DSCAML1: variants seen among roughly 807,000 people sequenced by gnomAD.
DSCAML1 encodes the protein DS cell adhesion molecule like 1.
In DSCAML1, 38 loss-of-function variants were observed where a neutral mutation model predicts 200.5. That is an observed-to-expected ratio of 0.19 (90% confidence interval 0.15 to 0.25). DSCAML1 has a LOEUF of 0.25. Ranked by LOEUF, DSCAML1 falls within the 10% of genes least tolerant of loss-of-function variation. The pLI is 1.00. For missense variants in DSCAML1, 2,223 were observed against 2,858.8 expected, an observed-to-expected ratio of 0.78 and a Z score of 5.07; for synonymous variants, 1,215 against 1,165.0, an observed-to-expected ratio of 1.04 and a Z score of -0.87.
intron 3 of DSCAML1, among the ~76,000 whole-genome samples, chr11:117,590,169 T>A (rs1028571856): frequency 5.3e-5 from 8 of 152,124 alleles, no homozygotes; most frequent in African/African-American, 1.4e-4. Flanking sequence ...TCACTTTTTT[T>A]AAAAATGAAG....
intron 20 of DSCAML1, among the ~76,000 whole-genome samples, chr11:117,447,172 C>T (rs1300221084): frequency 4.6e-5 from 7 of 152,294 alleles, no homozygotes; most frequent in African/African-American, 1.7e-4. Flanking sequence ...CCTGTAATCT[C>T]AGCTCCTTGG....
chr11:117,748,735 G>A (rs1204700150), intron 3 of DSCAML1, among the ~76,000 whole-genome samples: 1 of 152,236 alleles, frequency 6.6e-6, no homozygotes, highest in Non-Finnish European at 1.5e-5. Context: ...GGTACTGCAT[G>A]CCCTACTGAC....
At position 117,526,927 on chromosome 11, in the gene DSCAML1, C is replaced by T. The variant is rs551055968; in HGVS notation, c.659-1844G>A. On this transcript the variant is annotated intron_variant, in intron 4 of 32. Transcript: ENST00000651296. ...CTGAGGTGGGAAGATCACTTGAGCC[C>T]AGGAGTTGGAGACCAGCCCGGGCAA... Among the ~76,000 whole-genome samples, 4 of 152,080 alleles carry T rather than the reference C, an allele frequency of 2.6e-5. No individual in the cohort carries two copies. In the South Asian group the frequency reaches 6.2e-4, roughly 24 times the overall value.
chr11:117,722,173 G>C (rs1591440489), intron 3 of DSCAML1, among the ~76,000 whole-genome samples: 1 of 152,152 alleles, frequency 6.6e-6, no homozygotes, highest in South Asian at 2.1e-4. Context: ...CTCCTGGGAA[G>C]GATCATGGCT....
At position 117,503,781 on chromosome 11, in the gene DSCAML1, A is replaced by G. The variant is rs530438898; in HGVS notation, c.2359+64T>C. 4.4e-5 allele frequency: 67 copies of G among 1,517,194 alleles called. No individual in the cohort carries two copies. The highest frequency in any genetic ancestry group is 5.5e-5 in the Non-Finnish European group (61 of 1,116,022). 94.0% of individuals were successfully genotyped at this position (1,517,194 alleles called of 1,614,324 possible). A position where few individuals can be genotyped will look rare whatever the true frequency, so the allele number is the denominator to read the frequency against. ...GGAGACTAAGAGAGTAGGCAGGGAGAGTGCAGAGCCGGGGCTTGGCTGTGA... is the reference window on the plus strand; with the variant it reads ...GGAGACTAAGAGAGTAGGCAGGGAGGGTGCAGAGCCGGGGCTTGGCTGTGA... On this transcript the variant is annotated intron_variant, in intron 11 of 32. Coordinates refer to ENST00000651296, the MANE Select transcript of DSCAML1 (RefSeq NM_020693.4). The surrounding 1 kb of genome is among the most constrained non-coding windows in gnomAD (Gnocchi z 5.2).
intron 3 of DSCAML1, among the ~76,000 whole-genome samples, chr11:117,751,477 A>G (rs192899701): frequency 6.6e-6 from 1 of 151,582 alleles, no homozygotes; most frequent in Admixed American, 6.6e-5. Context: ...TATTTCAGAC[A>G]GTTTCTCACC....
At chr11:117,596,425 G>A (rs1174477331) in intron 3 of DSCAML1, among the ~76,000 whole-genome samples, 1 of 150,438 alleles carries the variant, frequency 6.6e-6, no homozygotes, top group African/African-American at 2.4e-5. Flanking sequence ...CATGCCAAAA[G>A]GGGTAGACAC....
chr11:117,682,062 C>G (rs767497565), intron 3 of DSCAML1, among the ~76,000 whole-genome samples: 3 of 152,144 alleles, frequency 2.0e-5, no homozygotes, highest in Non-Finnish European at 4.4e-5. Context: ...AAGACCCTAC[C>G]CCCTTTAGGA....
intron 17 of DSCAML1, 56 bp from the exon 18 acceptor site, chr11:117,461,652 G>A (rs1001170176): frequency 1.9e-6 from 3 of 1,552,016 alleles, no homozygotes; most frequent in East Asian, 2.2e-5. Context: ...GTGAGTGACA[G>A]TACAGCAATT....
chr11:117,481,479 C>A (rs905654366), intron 12 of DSCAML1, among the ~76,000 whole-genome samples: 3 of 148,122 alleles, frequency 2.0e-5, no homozygotes, highest in South Asian at 2.2e-4. Flanking sequence ...CTGGGGGACA[C>A]CAGAGGGAGA....
chr11:117,814,111 C>A (rs1167838142), intron 1 of DSCAML1, among the ~76,000 whole-genome samples: 1 of 151,804 alleles, frequency 6.6e-6, no homozygotes, highest in Non-Finnish European at 1.5e-5. Context: ...GAAGCTCCCC[C>A]ACTGAGCACC....
rs79404843 is a variant in DSCAML1, at chr11:117,752,194, G to A, written c.511+24597C>T. On this transcript the variant is annotated intron_variant, in intron 3 of 32. Transcript: ENST00000651296. ...ATTCCAGGAGGCCTCTTGCACGGAA[G>A]CCTCAGGGAACTGAACTCAATGCCT... 5.7e-3 allele frequency among the ~76,000 whole-genome samples: 873 copies of A among 152,340 alleles called. 11 individuals are homozygous for A. The highest frequency in any genetic ancestry group is 0.017 in the East Asian group (90 of 5,176).
At chr11:117,649,252 A>G (rs934469193) in intron 3 of DSCAML1, among the ~76,000 whole-genome samples, 12 of 151,886 alleles carry the variant, frequency 7.9e-5, no homozygotes, top group Admixed American at 3.3e-4. Flanking sequence ...TAATTTTTGT[A>G]TTTTTAGTAG....
Position 117,431,711 on chromosome 11 carries a change from T to C in DSCAML1, c.5197A>G (p.Asn1733Asp). The stretch of plus-strand genomic sequence containing the variant: ...CGGGTGCTGTGGGCTGACTTCACAT[T>C]CTTCCTGGACACTGGATCTGCACAG... Reference protein sequence around the residue: ...RPGTNPVSRKNVKSAHSTRNR... With the variant: ...RPGTNPVSRKDVKSAHSTRNR... Residue 1733 changes from asparagine (N) to aspartate (D), a missense_variant, in exon 31 of 33, where the codon AAT becomes GAT. Coordinates refer to ENST00000651296, the MANE Select transcript of DSCAML1 (RefSeq NM_020693.4). The C allele has an allele frequency of 1.3e-6, 2 of 1,591,456 alleles. No individual in the cohort carries two copies. The highest frequency in any genetic ancestry group is 1.7e-6 in the Non-Finnish European group (2 of 1,166,960).
At chr11:117,757,638 C>T (rs1053103952) in intron 3 of DSCAML1, among the ~76,000 whole-genome samples, 7 of 150,834 alleles carry the variant, frequency 4.6e-5, no homozygotes, top group African/African-American at 7.3e-5. Context: ...TTCCACCTAA[C>T]ATCATATTAG....
chr11:117,484,731 C>G (rs181451665), intron 11 of DSCAML1, among the ~76,000 whole-genome samples: 1 of 152,248 alleles, frequency 6.6e-6, no homozygotes. Flanking sequence ...GCAGATGCCT[C>G]CATTTTTTAC....
chr11:117,641,384 G>T (rs12284784), intron 3 of DSCAML1, among the ~76,000 whole-genome samples: 3,173 of 152,290 alleles, frequency 0.021, 109 homozygotes, highest in African/African-American at 0.069. Context: ...TTAGTGCAAG[G>T]ATGTCTCTTA....
chr11:117,511,093 G>C (rs2137291032), intron 8 of DSCAML1, among the ~76,000 whole-genome samples: 1 of 152,316 alleles, frequency 6.6e-6, no homozygotes, highest in Middle Eastern at 3.4e-3. Flanking sequence ...AGGGTCTCTG[G>C]CACATGCTCC....
intron 18 of DSCAML1, 120 bp downstream of exon 18, chr11:117,461,330 G>T (rs1359129904): frequency 1.6e-5 from 22 of 1,418,178 alleles, no homozygotes; most frequent in African/African-American, 4.2e-5. Context: ...GGAGAAGAGG[G>T]GGCTGCACTT....
Sources: allele counts gnomAD v4.1 joint callset (sites outside exome capture counted in the v4.1 genomes callset), GRCh38; gene constraint gnomAD v4.1.1; non-coding constraint Gnocchi (gnomAD v3.1); transcripts MANE v1.5; gene names NCBI Gene and HGNC (gene_info 2026-07-23, HGNC 2026-07-21).